The following SGPP2 variants were observed in gnomAD, a reference collection of about 807,000 sequenced individuals.
SGPP2 encodes the protein sphingosine 1-phosphate phosphohydrolase 2.
SGPP2 carries 30 observed loss-of-function variants against 33.9 expected under a neutral mutation model. That is an observed-to-expected ratio of 0.89 (90% CI 0.66 to 1.20). SGPP2 has a LOEUF of 1.20. SGPP2 is among the 50% of genes most tolerant of loss of function. The pLI is 0.00. For synonymous variants in SGPP2, 233 were observed against 225.0 expected, an observed-to-expected ratio of 1.04 and a Z score of -0.32; for missense variants, 458 against 532.1, an observed-to-expected ratio of 0.86 and a Z score of 1.37.
At chr2:222,427,009 TC>T (rs1023794475) in intron 1 of SGPP2, among the ~76,000 whole-genome samples, 1 of 152,184 alleles carries the variant, frequency 6.6e-6, no homozygotes, top group African/African-American at 2.4e-5. Flanking sequence ...TCTCTGACCT[TC>T]CAGCCTAGCT....
intron 4 of SGPP2, among the ~76,000 whole-genome samples, chr2:222,546,841 A>AG (rs966400047): frequency 6.6e-5 from 10 of 151,876 alleles, no homozygotes; most frequent in African/African-American, 2.4e-4. Flanking sequence ...AAAAAAAAAA[A>AG]AAGAACATGC....
intron 4 of SGPP2, among the ~76,000 whole-genome samples, chr2:222,539,654 G>A (rs1025855357): frequency 6.6e-6 from 1 of 152,228 alleles, no homozygotes; most frequent in African/African-American, 2.4e-5. Flanking sequence ...TGGAGCTCAC[G>A]TTTCTGAGGC....
At chr2:222,434,569 C>A (rs1458086010) in intron 1 of SGPP2, among the ~76,000 whole-genome samples, 4 of 152,164 alleles carry the variant, frequency 2.6e-5, no homozygotes, top group Non-Finnish European at 4.4e-5. Flanking sequence ...CAGTGCTATA[C>A]CTCTATTGTT....
intron 2 of SGPP2, among the ~76,000 whole-genome samples, chr2:222,500,348 G>C (rs960044463): frequency 6.6e-6 from 1 of 152,096 alleles, no homozygotes; most frequent in African/African-American, 2.4e-5. Context: ...CAGTTTTGAA[G>C]GAGAAGCAAT....
chr2:222,493,614 C>A (rs1698230192), intron 2 of SGPP2, among the ~76,000 whole-genome samples: 1 of 152,150 alleles, frequency 6.6e-6, no homozygotes, highest in Non-Finnish European at 1.5e-5. Context: ...GAGATTATAG[C>A]CATGAGCCAC....
intron 1 of SGPP2, among the ~76,000 whole-genome samples, chr2:222,428,149 A>T (rs1410708426): frequency 6.6e-6 from 1 of 152,140 alleles, no homozygotes; most frequent in African/African-American, 2.4e-5. Context: ...TCCTGTTGGT[A>T]CTGGCTGGGA....
chr2:222,467,984 A>C (rs1045795355), intron 1 of SGPP2, among the ~76,000 whole-genome samples: 8 of 139,762 alleles, frequency 5.7e-5, no homozygotes, highest in Admixed American at 2.1e-4. Context: ...AAAAAAAAAA[A>C]AAAACAGAGG....
At chr2:222,433,094 AAGGGG>A (rs1559142019) in intron 1 of SGPP2, among the ~76,000 whole-genome samples, 12 of 140,116 alleles carry the variant, frequency 8.6e-5, no homozygotes, top group African/African-American at 2.9e-4. Flanking sequence ...GAGAGGAGGG[AAGGGG>A]AGGGGAGGGG....
chr2:222,436,362 T>C (rs956480405), intron 1 of SGPP2, among the ~76,000 whole-genome samples: 3 of 152,280 alleles, frequency 2.0e-5, no homozygotes, highest in Non-Finnish European at 4.4e-5. Context: ...CACCCCTTGA[T>C]TCCTGGAAAC....
At chr2:222,452,681 G>A in intron 1 of SGPP2, 1 of 1,381,554 alleles carries the variant, frequency 7.2e-7, no homozygotes, top group Non-Finnish European at 1.0e-6. Flanking sequence ...TGTTCAGGCT[G>A]TGGTTGCTGC....
At position 222,558,975 on chromosome 2, in the gene SGPP2, C is replaced by T. The variant is rs756001629; in HGVS notation, c.*77C>T. ...AAAGTTATTGGTAGGCAAATCTTGA[C>T]AACTTATTTTTCTTTAACAACAACA... On this transcript the variant is annotated 3_prime_UTR_variant, in exon 5 of 5. Coordinates refer to ENST00000321276, the MANE Select transcript of SGPP2 (RefSeq NM_152386.4). 8.1e-5 allele frequency: 116 copies of T among 1,439,890 alleles called. No homozygotes were observed. Among genetic ancestry groups the T allele is most frequent in the Non-Finnish European group, 1.1e-4 (116 of 1,058,346 alleles). The allele number at this position is 1,439,890 out of a possible 1,614,324, so 89.2% of individuals were successfully genotyped here. A position where few individuals can be genotyped will look rare whatever the true frequency, so the allele number is the denominator to read the frequency against.
chr2:222,488,244 C>A (rs768406224), intron 2 of SGPP2, among the ~76,000 whole-genome samples: 9 of 152,208 alleles, frequency 5.9e-5, no homozygotes, highest in Admixed American at 1.3e-4. Flanking sequence ...GGACAGGGGT[C>A]CCCTAACCCT....
intron 2 of SGPP2, among the ~76,000 whole-genome samples, chr2:222,509,214 A>C (rs772105848): frequency 2.0e-5 from 3 of 152,198 alleles, no homozygotes; most frequent in Non-Finnish European, 2.9e-5. Flanking sequence ...TGATTTGAGA[A>C]GCTTCCATGA....
rs1689473043 is a variant in SGPP2, at chr2:222,558,978, C to T, written c.*80C>T. The T allele has an allele frequency of 1.4e-6, 2 of 1,399,618 alleles. No individual in the cohort carries two copies. Among genetic ancestry groups the T allele is most frequent in the African/African-American group, 1.4e-5 (1 of 69,600 alleles). 86.7% of individuals were successfully genotyped at this position (1,399,618 alleles called of 1,614,324 possible). A position where few individuals can be genotyped will look rare whatever the true frequency, so the allele number is the denominator to read the frequency against. ...GTTATTGGTAGGCAAATCTTGACAA[C>T]TTATTTTTCTTTAACAACAACAAAA... On this transcript the variant is annotated 3_prime_UTR_variant, in exon 5 of 5. Coordinates refer to ENST00000321276, the MANE Select transcript of SGPP2 (RefSeq NM_152386.4).
At chr2:222,501,559 G>A (rs1399754750) in intron 2 of SGPP2, among the ~76,000 whole-genome samples, 1 of 152,172 alleles carries the variant, frequency 6.6e-6, no homozygotes, top group African/African-American at 2.4e-5. Flanking sequence ...TGTTAATGAT[G>A]TTGAGCCTAA....
At chr2:222,488,630 T>C (rs1698148362) in intron 2 of SGPP2, among the ~76,000 whole-genome samples, 2 of 152,172 alleles carry the variant, frequency 1.3e-5, no homozygotes, top group African/African-American at 4.8e-5. Flanking sequence ...CATGTGGCCT[T>C]ACAAATACAA....
chr2:222,438,139 A>G (rs1697272288), intron 1 of SGPP2, among the ~76,000 whole-genome samples: 1 of 152,194 alleles, frequency 6.6e-6, no homozygotes, highest in Admixed American at 6.5e-5. Context: ...CCCATTAGGC[A>G]TTGTGCCTCT....
intron 1 of SGPP2, among the ~76,000 whole-genome samples, chr2:222,472,685 T>G (rs533545512): frequency 1.3e-5 from 2 of 152,342 alleles, no homozygotes; most frequent in East Asian, 3.9e-4. Context: ...TTCATTAGTC[T>G]TACAAAGGTG....
At chr2:222,452,640 G>T in intron 1 of SGPP2, 2 of 1,375,662 alleles carry the variant, frequency 1.5e-6, no homozygotes, top group South Asian at 1.2e-5. Flanking sequence ...CCAGGTCTGA[G>T]TGTTCCAGGA....
Sources: allele counts gnomAD v4.1 joint callset (sites outside exome capture counted in the v4.1 genomes callset), GRCh38; gene constraint gnomAD v4.1.1; transcripts MANE v1.5; gene names NCBI Gene and HGNC (gene_info 2026-07-23, HGNC 2026-07-21).